The following CNTNAP2 variants were observed in gnomAD, a reference collection of about 807,000 sequenced individuals.
CNTNAP2 encodes contactin-associated protein-like 2.
A neutral mutation model predicts 155.2 loss-of-function variants in CNTNAP2; 98 were observed. That is an observed-to-expected ratio of 0.63 (90% CI 0.54 to 0.75). The LOEUF is 0.75. Among genes scored for constraint, CNTNAP2 ranks in the 30% least tolerant of loss-of-function variants. The pLI is 0.00. For missense variants in CNTNAP2, 1,727 were observed against 1,688.1 expected, an observed-to-expected ratio of 1.02 and a Z score of -0.40; for synonymous variants, 651 against 631.2, an observed-to-expected ratio of 1.03 and a Z score of -0.47.
intron 1 of CNTNAP2, among the ~76,000 whole-genome samples, chr7:146,239,059 T>A (rs923205797): frequency 7.9e-5 from 12 of 152,160 alleles, no homozygotes; most frequent in Admixed American, 7.9e-4. Context: ...ATAATATCTC[T>A]AGGAAAATGT....
At chr7:146,452,035 A>G (rs1039780217) in intron 1 of CNTNAP2, among the ~76,000 whole-genome samples, 1 of 151,386 alleles carries the variant, frequency 6.6e-6, no homozygotes, top group Non-Finnish European at 1.5e-5. Context: ...CAGCTTCTCA[A>G]GTGGCTGGGA....
At chr7:146,800,192 G>T (rs1377990733) in intron 2 of CNTNAP2, among the ~76,000 whole-genome samples, 2 of 152,084 alleles carry the variant, frequency 1.3e-5, no homozygotes, top group Admixed American at 6.5e-5. Context: ...AACAGAAAGA[G>T]ATTTATTAAA....
intron 1 of CNTNAP2, among the ~76,000 whole-genome samples, chr7:146,589,485 A>G (rs1301215415): frequency 6.6e-6 from 1 of 152,188 alleles, no homozygotes. Flanking sequence ...CATTCTCAGC[A>G]AACTAACACA....
At chr7:146,659,504 C>T (rs780085155) in intron 1 of CNTNAP2, among the ~76,000 whole-genome samples, 1 of 152,070 alleles carries the variant, frequency 6.6e-6, no homozygotes, top group Non-Finnish European at 1.5e-5. Flanking sequence ...AAGTTTAATT[C>T]TATTTTTTTC....
chr7:147,274,623 T>A (rs1804852207), intron 8 of CNTNAP2, among the ~76,000 whole-genome samples: 1 of 152,184 alleles, frequency 6.6e-6, no homozygotes, highest in South Asian at 2.1e-4. Flanking sequence ...TTCTGTAGGT[T>A]GTCTGTTTAT....
At chr7:146,919,925 A>G (rs1211394759) in intron 3 of CNTNAP2, among the ~76,000 whole-genome samples, 1 of 152,176 alleles carries the variant, frequency 6.6e-6, no homozygotes, top group Non-Finnish European at 1.5e-5. Context: ...CTGTCCATCT[A>G]AGTGGGAGCT....
chr7:148,082,089 G>A lies in CNTNAP2; in HGVS notation c.2384-36029G>A, dbSNP rs116526408. ...GGCCTCCCAAAGCACTGGGATTACA[G>A]GTGGGAGTCATCAGGCCGGCTTTTA... On this transcript the variant is annotated intron_variant, in intron 15 of 23. Coordinates refer to ENST00000361727, the MANE Select transcript of CNTNAP2 (RefSeq NM_014141.6). Among the ~76,000 whole-genome samples the A allele has an allele frequency of 4.1e-3, 630 of 152,248 alleles. 7 individuals are homozygous for A. The highest frequency in any genetic ancestry group is 0.015 in the African/African-American group (610 of 41,538).
chr7:148,018,828 AG>A (rs1446581274), intron 15 of CNTNAP2, among the ~76,000 whole-genome samples: 3 of 152,218 alleles, frequency 2.0e-5, no homozygotes, highest in Admixed American at 6.5e-5. Flanking sequence ...GCTTCTCACA[AG>A]GTTTTTTGTT....
intron 12 of CNTNAP2, among the ~76,000 whole-genome samples, chr7:147,585,027 CAGTCTCTG>C (rs1464414962): frequency 6.6e-6 from 1 of 152,172 alleles, no homozygotes; most frequent in Non-Finnish European, 1.5e-5. Context: ...TAGGGCACAT[CAGTCTCTG>C]AGTCTCTGTG....
chr7:146,917,132 A>G (rs1796409637), intron 3 of CNTNAP2, among the ~76,000 whole-genome samples: 1 of 151,950 alleles, frequency 6.6e-6, no homozygotes. Context: ...TGGTTTTGAG[A>G]GTTTCTTTTG....
intron 3 of CNTNAP2, among the ~76,000 whole-genome samples, chr7:146,865,425 A>C (rs1449225057): frequency 1.3e-5 from 2 of 152,154 alleles, no homozygotes; most frequent in Non-Finnish European, 2.9e-5. Context: ...TATAATAAAG[A>C]TAGTCTTGTA....
intron 10 of CNTNAP2, among the ~76,000 whole-genome samples, chr7:147,469,096 T>A (rs1163103777): frequency 6.6e-6 from 1 of 152,114 alleles, no homozygotes; most frequent in Non-Finnish European, 1.5e-5. Flanking sequence ...GTGCTGGGGT[T>A]ACAGGCATGA....
intron 10 of CNTNAP2, among the ~76,000 whole-genome samples, chr7:147,453,180 T>C (rs1797862634): frequency 2.0e-5 from 3 of 152,148 alleles, no homozygotes; most frequent in Non-Finnish European, 1.5e-5. Context: ...AAGCATGCCA[T>C]GTTCTGCAGG....
At chr7:147,358,008 G>C (rs35594861) in intron 9 of CNTNAP2, among the ~76,000 whole-genome samples, 34,672 of 152,010 alleles carry the variant, frequency 0.23, 4,344 homozygotes, top group Non-Finnish European at 0.28. Flanking sequence ...TTTAATTGTA[G>C]TATCTGTGAA....
chr7:147,808,402 C>T (rs1798126757), intron 13 of CNTNAP2, among the ~76,000 whole-genome samples: 1 of 152,138 alleles, frequency 6.6e-6, no homozygotes, highest in South Asian at 2.1e-4. Flanking sequence ...TTGCTGGTGG[C>T]TATCTTTGGC....
chr7:146,692,545 G>T (rs1800715690), intron 1 of CNTNAP2, among the ~76,000 whole-genome samples: 1 of 152,098 alleles, frequency 6.6e-6, no homozygotes, highest in African/African-American at 2.4e-5. Flanking sequence ...AAAATAGAAA[G>T]GATGAAAATG....
chr7:148,020,617 G>A (rs1352092446), intron 15 of CNTNAP2, among the ~76,000 whole-genome samples: 2 of 152,100 alleles, frequency 1.3e-5, no homozygotes, highest in African/African-American at 4.8e-5. Flanking sequence ...TAAAGAAGGA[G>A]TGAATTATAT....
chr7:148,098,093 G>C (rs1804010514), intron 15 of CNTNAP2, among the ~76,000 whole-genome samples: 1 of 152,118 alleles, frequency 6.6e-6, no homozygotes, highest in Non-Finnish European at 1.5e-5. Context: ...CCCTGCAGTG[G>C]TATGTGGGAA....
At chr7:146,164,838 C>T (rs960859266) in intron 1 of CNTNAP2, among the ~76,000 whole-genome samples, 6 of 152,098 alleles carry the variant, frequency 3.9e-5, no homozygotes, top group African/African-American at 1.2e-4. Flanking sequence ...TAGATCTCAT[C>T]TTTCTGGGAG....
Sources: allele counts gnomAD v4.1 joint callset (sites outside exome capture counted in the v4.1 genomes callset), GRCh38; gene constraint gnomAD v4.1.1; transcripts MANE v1.5; gene names NCBI Gene and HGNC (gene_info 2026-07-23, HGNC 2026-07-21).